The following AUTS2 variants were observed in gnomAD, a reference collection of about 807,000 sequenced individuals.
AUTS2 encodes the protein autism susceptibility gene 2 protein.
AUTS2 carries 17 observed loss-of-function variants against 112.4 expected under a neutral mutation model. The observed-to-expected ratio is 0.15, with a 90% CI of 0.10 to 0.23. AUTS2 has a LOEUF of 0.23. AUTS2 is among the 10% of genes least tolerant of loss of function. The pLI, the probability that AUTS2 is intolerant of heterozygous loss-of-function variation, is 1.00. For missense variants in AUTS2, 1,510 were observed against 1,701.6 expected, an observed-to-expected ratio of 0.89 and a Z score of 1.98; for synonymous variants, 751 against 702.7, an observed-to-expected ratio of 1.07 and a Z score of -1.09.
intron 1 of AUTS2, among the ~76,000 whole-genome samples, chr7:69,882,212 C>T (rs553330628): frequency 5.1e-4 from 77 of 149,612 alleles, no homozygotes; most frequent in African/African-American, 1.9e-3. Flanking sequence ...TGGCTCATGC[C>T]TGTAATCCCA....
rs535133647 is a variant in AUTS2 at position 70,505,784 on chromosome 7, G to A, written c.690+70003G>A. On this transcript the variant is annotated intron_variant, in intron 5 of 18. Coordinates refer to ENST00000342771, the MANE Select transcript of AUTS2 (RefSeq NM_015570.4). ...AGATCCTGCTAACCAGAGGGTTTGG[G>A]GGAGGTAGGACCTTTCATGTTTCTC... is the stretch of plus-strand genomic sequence containing the variant. 1.4e-3 allele frequency among the ~76,000 whole-genome samples: 214 copies of A among 152,268 alleles called. 1 individual carries two copies. The highest frequency in any genetic ancestry group is 2.6e-3 in the Non-Finnish European group (176 of 68,016).
rs1198756249 is a variant in AUTS2 at position 69,745,073 on chromosome 7, A to G, written c.309+145111A>G. 2.6e-5 allele frequency among the ~76,000 whole-genome samples: 4 copies of G among 152,250 alleles called. No individual in the cohort carries two copies. The East Asian group carries it at 7.7e-4, about 29-fold the overall frequency. On this transcript the variant is annotated intron_variant, in intron 1 of 18. Transcript: ENST00000342771. ...ATCTCTTCTTAGTCCCCATTGCATTAGTTGTTTCAGAACAGGTCATTGAGC... is the reference window on the plus strand; with the variant it reads ...ATCTCTTCTTAGTCCCCATTGCATTGGTTGTTTCAGAACAGGTCATTGAGC...
chr7:70,377,542 C>T (rs913924516), intron 4 of AUTS2, among the ~76,000 whole-genome samples: 26 of 150,396 alleles, frequency 1.7e-4, no homozygotes, highest in African/African-American at 6.4e-4. Context: ...TAAATACATT[C>T]GCATTGTCGT....
intron 4 of AUTS2, among the ~76,000 whole-genome samples, chr7:70,248,181 C>G (rs1198295332): frequency 2.6e-5 from 4 of 152,130 alleles, no homozygotes. Context: ...TAGTGTTTTT[C>G]TCAAATCATC....
intron 1 of AUTS2, among the ~76,000 whole-genome samples, chr7:69,873,209 G>A (rs71549339): frequency 6.6e-6 from 1 of 152,240 alleles, no homozygotes; most frequent in Admixed American, 6.5e-5. Flanking sequence ...TAAGTTCAGA[G>A]AACTAGCTTA....
chr7:70,755,283 C>T (rs1002642268), intron 6 of AUTS2, among the ~76,000 whole-genome samples: 4 of 151,104 alleles, frequency 2.6e-5, no homozygotes, highest in Non-Finnish European at 5.9e-5. Context: ...TTTTTAAACA[C>T]ATGCACCATA....
chr7:70,507,485 C>T (rs1585231402), intron 5 of AUTS2, among the ~76,000 whole-genome samples: 1 of 152,104 alleles, frequency 6.6e-6, no homozygotes, highest in East Asian at 1.9e-4. Flanking sequence ...TTTTATGGAG[C>T]TTCCCTGAAC....
At chr7:70,071,594 CT>C (rs1259917341) in intron 2 of AUTS2, among the ~76,000 whole-genome samples, 2 of 152,238 alleles carry the variant, frequency 1.3e-5, no homozygotes, top group Admixed American at 6.5e-5. Flanking sequence ...TGTCAGTGTG[CT>C]TTTTTTCATA....
At chr7:70,141,581 C>A (rs1287479275) in intron 4 of AUTS2, among the ~76,000 whole-genome samples, 2 of 152,138 alleles carry the variant, frequency 1.3e-5, no homozygotes, top group African/African-American at 4.8e-5. Flanking sequence ...TTAAATGTAA[C>A]CTTCAAAATA....
At chr7:70,480,952 G>A (rs867642104) in intron 5 of AUTS2, among the ~76,000 whole-genome samples, 6 of 152,194 alleles carry the variant, frequency 3.9e-5, no homozygotes, top group Non-Finnish European at 7.3e-5. Context: ...GGAAAGATAC[G>A]GAGGTGAGCC....
At chr7:70,775,904 G>A (rs2129558975) in intron 13 of AUTS2, among the ~76,000 whole-genome samples, 1 of 152,304 alleles carries the variant, frequency 6.6e-6, no homozygotes, top group Middle Eastern at 3.4e-3. Flanking sequence ...TGGCCAGTGT[G>A]ATGACCTCTA....
At chr7:69,758,313 T>A (rs1227494307) in intron 1 of AUTS2, among the ~76,000 whole-genome samples, 1 of 152,182 alleles carries the variant, frequency 6.6e-6, no homozygotes, top group Admixed American at 6.5e-5. Context: ...ACAATAGATT[T>A]AGATTGGATA....
chr7:70,088,558 A>G (rs1027537194), intron 2 of AUTS2, among the ~76,000 whole-genome samples: 17 of 149,632 alleles, frequency 1.1e-4, no homozygotes, highest in Non-Finnish European at 1.5e-4. Flanking sequence ...CTTATGATGG[A>G]AGCTGAAGGC....
intron 2 of AUTS2, among the ~76,000 whole-genome samples, chr7:69,938,351 C>T (rs1018877249): frequency 6.6e-6 from 1 of 152,190 alleles, no homozygotes; most frequent in Non-Finnish European, 1.5e-5. Flanking sequence ...TACCAAACTC[C>T]AGGAAACTTC....
chr7:70,534,137 TCCAGCA>T (rs1344004357), intron 5 of AUTS2, among the ~76,000 whole-genome samples: 1 of 152,174 alleles, frequency 6.6e-6, no homozygotes, highest in Non-Finnish European at 1.5e-5. Flanking sequence ...TCGGCAGGCT[TCCAGCA>T]CCCCACTATT....
At chr7:70,604,588 G>T (rs1803634832) in intron 5 of AUTS2, among the ~76,000 whole-genome samples, 1 of 152,224 alleles carries the variant, frequency 6.6e-6, no homozygotes, top group Admixed American at 6.5e-5. Context: ...TAAGGATTTG[G>T]CTGTTCCCCA....
At chr7:69,934,114 C>A (rs1478541608) in intron 2 of AUTS2, among the ~76,000 whole-genome samples, 1 of 152,130 alleles carries the variant, frequency 6.6e-6, no homozygotes, top group Non-Finnish European at 1.5e-5. Flanking sequence ...ACTCATATAA[C>A]CTTGTTGATT....
chr7:70,730,225 T>TCTG lies in AUTS2; in HGVS notation c.742+31605_742+31606insCTG, dbSNP rs780179093. On this transcript the variant is annotated intron_variant, in intron 6 of 18. Coordinates refer to ENST00000342771, the MANE Select transcript of AUTS2 (RefSeq NM_015570.4). ...CAGTAAAAGGACAACCAGTTTTTTT[T>TCTG]TTTGTTTTTTGTTTGTTTGTTTGTT... 5.6e-5 allele frequency among the ~76,000 whole-genome samples: 8 copies of TCTG among 142,456 alleles called. No homozygotes were observed. The East Asian group carries it at 1.7e-3, about 30-fold the overall frequency. The allele number at this position is 142,456 out of a possible 152,430, so 93.5% of individuals were successfully genotyped here. A position where few individuals can be genotyped will look rare whatever the true frequency, so the allele number is the denominator to read the frequency against.
At chr7:70,708,587 T>TAA (rs201813481) in intron 6 of AUTS2, among the ~76,000 whole-genome samples, 2 of 144,088 alleles carry the variant, frequency 1.4e-5, no homozygotes, top group East Asian at 2.0e-4. Context: ...ACTCACTAAT[T>TAA]AAAAAAAAAA....
Sources: gnomAD v4.1 joint callset for allele counts (sites outside exome capture counted in the v4.1 genomes callset) on GRCh38, gnomAD v4.1.1 for gene constraint, MANE v1.5 for transcripts, NCBI Gene and HGNC (gene_info 2026-07-23, HGNC 2026-07-21) for gene names.